TLN2: variants seen among roughly 807,000 people sequenced by gnomAD.
TLN2 encodes talin 2, also known as talin-2.
TLN2 carries 118 observed loss-of-function variants against 294.7 expected under a neutral mutation model. That is an observed-to-expected ratio of 0.40 (90% CI 0.34 to 0.47). The LOEUF (loss-of-function observed/expected upper bound fraction) is 0.47. Ranked by LOEUF, TLN2 falls within the 20% of genes least tolerant of loss-of-function variation. TLN2 has a pLI of 0.84. For synonymous variants in TLN2, 1,431 were observed against 1,304.5 expected (o/e 1.10, Z -2.09); for missense variants, 3,083 against 3,282.2 (o/e 0.94, Z 1.48).
chr15:62,749,428 G>C (rs1025223364), intron 33 of TLN2, among the ~76,000 whole-genome samples: 1 of 152,260 alleles, frequency 6.6e-6, no homozygotes, highest in Non-Finnish European at 1.5e-5. Context: ...CTAGGTGCCA[G>C]TACTCCGTCC....
chr15:62,472,082 G>C (rs1311509943), intron 1 of TLN2, among the ~76,000 whole-genome samples: 12 of 152,088 alleles, frequency 7.9e-5, no homozygotes, highest in Admixed American at 7.9e-4. Context: ...CCCTGATTCA[G>C]CTCCTGTTCC....
chr15:62,405,645 G>C (rs2033351132), intron 1 of TLN2, among the ~76,000 whole-genome samples: 2 of 152,170 alleles, frequency 1.3e-5, no homozygotes, highest in Admixed American at 1.3e-4. Context: ...GAGTCCTCTT[G>C]ATTAGGGTCC....
At chr15:62,574,646 A>G (rs1417779716) in intron 1 of TLN2, among the ~76,000 whole-genome samples, 1 of 141,366 alleles carries the variant, frequency 7.1e-6, no homozygotes, top group Non-Finnish European at 1.5e-5. Context: ...GTGTGTAATG[A>G]GTATAATGAA....
intron 2 of TLN2, among the ~76,000 whole-genome samples, chr15:62,608,962 T>G (rs2140813706): frequency 6.6e-6 from 1 of 152,058 alleles, no homozygotes; most frequent in East Asian, 1.9e-4. Flanking sequence ...GAGGTCTGTT[T>G]GGGTAGAGAA....
rs77149979 is a variant in TLN2, at chr15:62,763,223, C to CT, written c.4962-324dup. 5.4e-3 allele frequency: 686 copies of CT among 126,532 alleles called. 5 individuals are homozygous for CT. The highest frequency in any genetic ancestry group is 0.023 in the Admixed American group (292 of 12,594). The allele number at this position is 126,532 out of a possible 1,614,324, so 7.8% of individuals were successfully genotyped here. A position where few individuals can be genotyped will look rare whatever the true frequency, so the allele number is the denominator to read the frequency against. On this transcript the variant is annotated intron_variant, in intron 39 of 58. Coordinates refer to ENST00000636159, the MANE Select transcript of TLN2 (RefSeq NM_015059.3). ...AGCAGTGCTGACCTTTTTTTTTTTTCTTTTTTTTTTTTTTTTGAGTAAAAG... is the reference window on the plus strand; with the variant it reads ...AGCAGTGCTGACCTTTTTTTTTTTTCTTTTTTTTTTTTTTTTTGAGTAAAAG...
chr15:62,825,819 T>TATATATATAA (rs1216074194), intron 54 of TLN2, among the ~76,000 whole-genome samples: 1 of 3,270 alleles, frequency 3.1e-4, no homozygotes, highest in South Asian at 0.011. Context: ...TATATTATAA[T>TATATATATAA]ATATATTATA....
At chr15:62,813,338 A>G (rs977108231) in intron 52 of TLN2, among the ~76,000 whole-genome samples, 13 of 152,292 alleles carry the variant, frequency 8.5e-5, no homozygotes, top group South Asian at 2.1e-4. Flanking sequence ...GTAGTTTGTA[A>G]CTATGGTAGA....
intron 3 of TLN2, among the ~76,000 whole-genome samples, chr15:62,624,577 T>C (rs867965516): frequency 7.2e-5 from 11 of 152,234 alleles, no homozygotes; most frequent in Middle Eastern, 6.8e-3. Flanking sequence ...AAAGAAAATA[T>C]CACAGAAGAG....
intron 14 of TLN2, among the ~76,000 whole-genome samples, chr15:62,696,181 G>A (rs1431045503): frequency 1.3e-5 from 2 of 152,160 alleles, no homozygotes; most frequent in African/African-American, 2.4e-5. Context: ...TCCCCGCGTG[G>A]CTATCGAGCC....
intron 1 of TLN2, among the ~76,000 whole-genome samples, chr15:62,472,073 C>T (rs1208409810): frequency 2.0e-5 from 3 of 152,148 alleles, no homozygotes; most frequent in East Asian, 1.9e-4. Flanking sequence ...CCTGATTTCC[C>T]CTGATTCAGC....
chr15:62,577,740 C>A (rs1376790153), intron 1 of TLN2, among the ~76,000 whole-genome samples: 3 of 152,036 alleles, frequency 2.0e-5, no homozygotes, highest in African/African-American at 7.2e-5. Flanking sequence ...CATGTGCACA[C>A]CGTGCAGATT....
chr15:62,398,430 G>A (rs1026975989), intron 1 of TLN2, among the ~76,000 whole-genome samples: 1 of 152,060 alleles, frequency 6.6e-6, no homozygotes, highest in African/African-American at 2.4e-5. Context: ...AGAGTAAATT[G>A]GTACCGCAGA....
intron 2 of TLN2, among the ~76,000 whole-genome samples, chr15:62,611,423 C>T (rs2140823681): frequency 6.6e-6 from 1 of 152,202 alleles, no homozygotes; most frequent in South Asian, 2.1e-4. Flanking sequence ...AGCCTGTTTC[C>T]CTTGATAGAC....
chr15:62,768,275 G>C (rs75005742), intron 41 of TLN2, among the ~76,000 whole-genome samples: 3 of 270 alleles, frequency 0.011, no homozygotes, highest in African/African-American at 0.017. Flanking sequence ...GGGCTGTGCA[G>C]TCTACAGAGA....
intron 1 of TLN2, among the ~76,000 whole-genome samples, chr15:62,480,831 T>C (rs2038048723): frequency 6.6e-6 from 1 of 152,216 alleles, no homozygotes; most frequent in African/African-American, 2.4e-5. Flanking sequence ...GCCCTTTCCC[T>C]TTCTGATACT....
At chr15:62,705,088 T>C (rs10851717) in intron 19 of TLN2, among the ~76,000 whole-genome samples, 137,083 of 152,286 alleles carry the variant, frequency 0.9, 63,288 homozygotes, top group Non-Finnish European at 1. Flanking sequence ...AGCAGATTAT[T>C]TTCATTGTGT....
chr15:62,794,398 A>G (rs1162096376), intron 46 of TLN2, among the ~76,000 whole-genome samples: 1 of 152,104 alleles, frequency 6.6e-6, no homozygotes, highest in African/African-American at 2.4e-5. Context: ...CTCAGACCCT[A>G]GTGACTAGCA....
chr15:62,801,626 G>T (rs756000315), intron 50 of TLN2, among the ~76,000 whole-genome samples: 3 of 152,108 alleles, frequency 2.0e-5, no homozygotes, highest in Non-Finnish European at 4.4e-5. Context: ...GGGTTTTCTT[G>T]TCATATCATT....
At chr15:62,673,072 T>TTGTGTGTGTGTGTG (rs60589441) in intron 9 of TLN2, among the ~76,000 whole-genome samples, 36,034 of 144,648 alleles carry the variant, frequency 0.25, 5,488 homozygotes, top group Non-Finnish European at 0.33. Context: ...CCTAATTTAA[T>TTGTGTGTGTGTGTG]TGTGTGTGTG....
Sources: gnomAD v4.1 joint callset for allele counts (sites outside exome capture counted in the v4.1 genomes callset) on GRCh38, gnomAD v4.1.1 for gene constraint, MANE v1.5 for transcripts, NCBI Gene and HGNC (gene_info 2026-07-23, HGNC 2026-07-21) for gene names.